SUPT3H: variants seen among roughly 807,000 people sequenced by gnomAD.
SUPT3H encodes transcription initiation protein SPT3 homolog.
Under a neutral mutation model 44.3 loss-of-function variants are expected in SUPT3H, and 44 were observed. The observed-to-expected ratio is 0.99, with a 90% CI of 0.78 to 1.28. The LOEUF (loss-of-function observed/expected upper bound fraction) is 1.28, where lower values mean the gene tolerates loss of function less well. SUPT3H is among the 50% of genes most tolerant of loss of function. The probability of loss-of-function intolerance (pLI) is 0.00; values close to 1 mark genes in which losing one functional copy is unlikely to be tolerated. For missense variants in SUPT3H, 380 were observed against 387.1 expected (o/e 0.98, Z 0.15); for synonymous variants, 124 against 125.6 (o/e 0.99, Z 0.09).
At chr6:45,268,271 G>A (rs1584586201) in intron 2 of SUPT3H, among the ~76,000 whole-genome samples, 1 of 152,108 alleles carries the variant, frequency 6.6e-6, no homozygotes, top group East Asian at 1.9e-4. Flanking sequence ...AAAAAGGGGT[G>A]CGTGTGGAAC....
rs1554213489 is a variant in SUPT3H at position 45,029,343 on chromosome 6, G to GTGTA, written c.187-8712_187-8711insTACA. Among the ~76,000 whole-genome samples the GTGTA allele has an allele frequency of 8.5e-4, 124 of 146,376 alleles. 2 individuals are homozygous for GTGTA. The East Asian group carries it at 0.015, about 17-fold the overall frequency. ...GTGTATATATGACATATTTGTATGT[G>GTGTA]TATATATATATATATATACATATTC... On this transcript the variant is annotated intron_variant, in intron 3 of 10. Transcript: ENST00000371459.
At chr6:45,220,168 T>A (rs1765798865) in intron 2 of SUPT3H, among the ~76,000 whole-genome samples, 1 of 150,312 alleles carries the variant, frequency 6.7e-6, no homozygotes, top group Non-Finnish European at 1.5e-5. Flanking sequence ...CAGAAAAAGA[T>A]TATTGCAGAC....
chr6:45,228,111 A>T (rs1767263489), intron 2 of SUPT3H, among the ~76,000 whole-genome samples: 1 of 152,218 alleles, frequency 6.6e-6, no homozygotes. Context: ...CCTCAAGTGC[A>T]ATCAGTAAGT....
chr6:45,349,152 G>A (rs1791521085), intron 2 of SUPT3H, among the ~76,000 whole-genome samples: 1 of 152,024 alleles, frequency 6.6e-6, no homozygotes. Flanking sequence ...AGTTCTTCTA[G>A]GGACAACTAC....
chr6:45,331,061 C>G (rs1485244624), intron 2 of SUPT3H, among the ~76,000 whole-genome samples: 1 of 151,836 alleles, frequency 6.6e-6, no homozygotes, highest in Admixed American at 6.6e-5. Flanking sequence ...AGGTGAGGTA[C>G]AAAGCACACA....
chr6:45,113,784 T>G (rs1182979902), intron 2 of SUPT3H, among the ~76,000 whole-genome samples: 3 of 145,150 alleles, frequency 2.1e-5, no homozygotes, highest in African/African-American at 7.9e-5. Context: ...GAGCCGAGAT[T>G]GAGCCATTGC....
chr6:45,376,803 T>C (rs1796840770), intron 1 of SUPT3H, among the ~76,000 whole-genome samples: 1 of 151,796 alleles, frequency 6.6e-6, no homozygotes, highest in Non-Finnish European at 1.5e-5. Flanking sequence ...TCTTCCAGAG[T>C]CTGCCCTTCA....
chr6:44,846,896 C>A (rs1771969184), intron 10 of SUPT3H, among the ~76,000 whole-genome samples: 1 of 152,186 alleles, frequency 6.6e-6, no homozygotes, highest in African/African-American at 2.4e-5. Flanking sequence ...TCCCAAAGTG[C>A]TGGGATTACA....
intron 10 of SUPT3H, among the ~76,000 whole-genome samples, chr6:44,887,198 A>C (rs1762456707): frequency 6.6e-6 from 1 of 152,196 alleles, no homozygotes; most frequent in Admixed American, 6.5e-5. Context: ...TGTCAACATT[A>C]GACACATCAA....
In SUPT3H at chr6:45,003,807, G is replaced by A. The variant is rs752292850; in HGVS notation, c.365-15C>T. On this transcript the variant is annotated splice_polypyrimidine_tract_variant and intron_variant, in intron 5 of 10. Coordinates refer to ENST00000371459, the MANE Select transcript of SUPT3H (RefSeq NM_003599.4). The stretch of plus-strand genomic sequence containing the variant: ...ACTCAATTTGTCTTCATGAAGTCAA[G>A]GGAAAGAAAAAAAGAAATGTTCTCA... 9.9e-6 allele frequency: 16 copies of A among 1,609,878 alleles called. No homozygotes were observed. The East Asian group carries it at 1.6e-4, about 16-fold the overall frequency.
At chr6:45,137,241 G>A (rs1460169122) in intron 2 of SUPT3H, among the ~76,000 whole-genome samples, 4 of 151,996 alleles carry the variant, frequency 2.6e-5, no homozygotes, top group African/African-American at 9.7e-5. Context: ...GACCTACCTT[G>A]TAAGAAATAC....
intron 10 of SUPT3H, among the ~76,000 whole-genome samples, chr6:44,849,532 T>C (rs1286803709): frequency 1.3e-5 from 2 of 152,190 alleles, no homozygotes; most frequent in Non-Finnish European, 2.9e-5. Context: ...CGGCCATGAA[T>C]ACTAATTTTT....
intron 9 of SUPT3H, among the ~76,000 whole-genome samples, chr6:44,937,324 T>A (rs1771610902): frequency 6.6e-6 from 1 of 151,944 alleles, no homozygotes; most frequent in Non-Finnish European, 1.5e-5. Flanking sequence ...AAACCCCGTC[T>A]CTACTAAAAA....
intron 3 of SUPT3H, among the ~76,000 whole-genome samples, chr6:45,080,266 T>C (rs1310519178): frequency 1.3e-5 from 2 of 152,142 alleles, no homozygotes; most frequent in African/African-American, 4.8e-5. Flanking sequence ...CCAGTTAAAA[T>C]GGCTTTTATC....
intron 2 of SUPT3H, among the ~76,000 whole-genome samples, chr6:45,251,657 G>A (rs1772394752): frequency 6.6e-6 from 1 of 152,106 alleles, no homozygotes; most frequent in South Asian, 2.1e-4. Flanking sequence ...AAAAAGACAT[G>A]CTTAAATAAA....
At chr6:45,281,675 G>A (rs1038429481) in intron 2 of SUPT3H, among the ~76,000 whole-genome samples, 5 of 152,186 alleles carry the variant, frequency 3.3e-5, no homozygotes, top group East Asian at 3.9e-4. Context: ...GCAGGGCATA[G>A]CCAAACAATA....
At chr6:44,924,934 AT>A (rs896829431) in intron 10 of SUPT3H, among the ~76,000 whole-genome samples, 25 of 152,080 alleles carry the variant, frequency 1.6e-4, no homozygotes, top group African/African-American at 5.8e-4. Flanking sequence ...GTGACATTTA[AT>A]TTTCCAGGTT....
chr6:45,164,411 G>A lies in SUPT3H; in HGVS notation c.102-58405C>T, dbSNP rs75265015. ...CAATAGTTGAGAATTTGCTAATTCA[G>A]TCATCATGGTGACTTTACAGAATCT... is the stretch of plus-strand genomic sequence containing the variant. On this transcript the variant is annotated intron_variant, in intron 2 of 10. Coordinates refer to ENST00000371459, the MANE Select transcript of SUPT3H (RefSeq NM_003599.4). 6.2e-4 allele frequency among the ~76,000 whole-genome samples: 94 copies of A among 152,280 alleles called. 1 individual carries two copies. The East Asian group carries it at 0.016, about 26-fold the overall frequency.
At chr6:45,230,527 C>G (rs888547136) in intron 2 of SUPT3H, among the ~76,000 whole-genome samples, 3 of 147,330 alleles carry the variant, frequency 2.0e-5, no homozygotes, top group Non-Finnish European at 4.5e-5. Context: ...ATATCTACTT[C>G]TGCTCACTTT....
Sources: allele counts gnomAD v4.1 joint callset (sites outside exome capture counted in the v4.1 genomes callset), GRCh38; gene constraint gnomAD v4.1.1; transcripts MANE v1.5; gene names NCBI Gene and HGNC (gene_info 2026-07-23, HGNC 2026-07-21).